The following PTPRD variants were observed in gnomAD, a reference collection of about 807,000 sequenced individuals.
The protein encoded by PTPRD is protein tyrosine phosphatase receptor type D, also known as receptor-type tyrosine-protein phosphatase delta.
PTPRD carries 34 observed loss-of-function variants against 214.5 expected under a neutral mutation model. The ratio of observed to expected loss-of-function variants is 0.16; its 90% CI spans 0.12 to 0.21. PTPRD has a LOEUF of 0.21. Ranked by LOEUF, PTPRD falls within the 10% of genes least tolerant of loss-of-function variation. PTPRD has a pLI of 1.00. For missense variants in PTPRD, 2,545 were observed against 2,398.7 expected, an observed-to-expected ratio of 1.06 and a Z score of -1.27; for synonymous variants, 1,128 against 845.7, an observed-to-expected ratio of 1.33 and a Z score of -5.79.
intron 11 of PTPRD, chr9:8,861,333 G>T (rs2098100597): frequency 1.3e-5 from 2 of 152,224 alleles, no homozygotes; most frequent in East Asian, 3.8e-4. Context: ...ATGACCTTAT[G>T]TGGGTTGCGA....
chr9:10,535,194 C>T (rs2057460731), intron 2 of PTPRD, among the ~76,000 whole-genome samples: 2 of 152,036 alleles, frequency 1.3e-5, no homozygotes, highest in African/African-American at 4.8e-5. Flanking sequence ...CAAATTCATC[C>T]ACTCTGTAGC....
chr9:8,461,542 A>T (rs563484056), intron 32 of PTPRD, among the ~76,000 whole-genome samples: 4 of 151,392 alleles, frequency 2.6e-5, no homozygotes, highest in African/African-American at 7.3e-5. Context: ...ATCCATATCC[A>T]CTAACTGCCC....
chr9:8,583,045 A>G (rs547677806), intron 14 of PTPRD, among the ~76,000 whole-genome samples: 1 of 152,330 alleles, frequency 6.6e-6, no homozygotes, highest in East Asian at 1.9e-4. Flanking sequence ...AATATTTAAG[A>G]CAGTGGTCCC....
intron 3 of PTPRD, among the ~76,000 whole-genome samples, chr9:10,081,716 G>T (rs556249367): frequency 6.6e-6 from 1 of 152,184 alleles, no homozygotes; most frequent in South Asian, 2.1e-4. Flanking sequence ...TAAGACAGGG[G>T]TGTTATTATA....
At chr9:9,327,982 G>A (rs1314571738) in intron 9 of PTPRD, among the ~76,000 whole-genome samples, 1 of 151,776 alleles carries the variant, frequency 6.6e-6, no homozygotes, top group African/African-American at 2.4e-5. Context: ...AGCATTCAAA[G>A]CCGTCCTGGG....
intron 2 of PTPRD, among the ~76,000 whole-genome samples, chr9:10,406,771 T>C (rs1381586797): frequency 1.3e-5 from 2 of 151,142 alleles, no homozygotes; most frequent in African/African-American, 4.8e-5. Context: ...CATGTCAGCA[T>C]GGGTGAGCAA....
chr9:10,601,203 T>C (rs1409682918), intron 2 of PTPRD, among the ~76,000 whole-genome samples: 1 of 151,174 alleles, frequency 6.6e-6, no homozygotes, highest in Non-Finnish European at 1.5e-5. Flanking sequence ...ACGAATAGAG[T>C]AAGTAAGGTA....
Position 10,504,718 on chromosome 9 carries a change from C to T in PTPRD, c.-600+107680G>A, listed in dbSNP as rs550555540. Among the ~76,000 whole-genome samples the T allele has an allele frequency of 3.3e-4, 51 of 152,282 alleles. No individual in the cohort carries two copies. In the Middle Eastern group the frequency reaches 0.014, roughly 41 times the overall value. ...AGATTCAGAAAAAATAAAATTACTT[C>T]TCCACAGGCATAAAGCTAATTACTA... On this transcript the variant is annotated intron_variant, in intron 2 of 45. Transcript: ENST00000381196.
chr9:8,405,953 C>T (rs2092933134), intron 35 of PTPRD, among the ~76,000 whole-genome samples: 2 of 151,354 alleles, frequency 1.3e-5, no homozygotes, highest in Non-Finnish European at 2.9e-5. Context: ...AAAGTCAAGT[C>T]TGTTAGTAGT....
intron 7 of PTPRD, among the ~76,000 whole-genome samples, chr9:9,677,242 C>T (rs10977922): frequency 0.45 from 68,017 of 151,596 alleles, 15,877 homozygotes; most frequent in African/African-American, 0.53. Context: ...GGTTGTCTTC[C>T]AGGGTTTTTA....
intron 9 of PTPRD, among the ~76,000 whole-genome samples, chr9:9,222,087 C>A (rs999144459): frequency 3.9e-5 from 6 of 152,002 alleles, no homozygotes; most frequent in African/African-American, 1.4e-4. Flanking sequence ...CCAAATGTAT[C>A]CACTGTAACA....
intron 10 of PTPRD, among the ~76,000 whole-genome samples, chr9:9,025,295 A>G (rs324489): frequency 6.6e-6 from 1 of 151,790 alleles, no homozygotes. Context: ...AGTCTGCAGT[A>G]CTATCTTTGT....
intron 11 of PTPRD, among the ~76,000 whole-genome samples, chr9:8,900,943 G>A (rs529904343): frequency 3.3e-5 from 5 of 152,230 alleles, no homozygotes; most frequent in African/African-American, 1.2e-4. Flanking sequence ...TTTTTCAAAA[G>A]TAATAAATGT....
At chr9:9,413,892 G>A (rs2076253138) in intron 8 of PTPRD, among the ~76,000 whole-genome samples, 1 of 152,166 alleles carries the variant, frequency 6.6e-6, no homozygotes, top group Non-Finnish European at 1.5e-5. Context: ...CCCTTTACAT[G>A]TAATACATAA....
chr9:8,948,939 A>C (rs2099087123), intron 11 of PTPRD, among the ~76,000 whole-genome samples: 1 of 151,966 alleles, frequency 6.6e-6, no homozygotes, highest in Non-Finnish European at 1.5e-5. Flanking sequence ...GTATAGTAAG[A>C]TTTGTTTCTA....
intron 2 of PTPRD, among the ~76,000 whole-genome samples, chr9:10,462,792 C>T (rs1329705984): frequency 1.3e-5 from 2 of 151,340 alleles, no homozygotes; most frequent in African/African-American, 2.4e-5. Flanking sequence ...AGTTACAGGA[C>T]ATATTTTCTT....
intron 9 of PTPRD, among the ~76,000 whole-genome samples, chr9:9,294,251 G>C (rs1190909105): frequency 6.6e-6 from 1 of 151,662 alleles, no homozygotes; most frequent in Non-Finnish European, 1.5e-5. Flanking sequence ...CAGTTTACCA[G>C]AGATAACTAA....
intron 2 of PTPRD, among the ~76,000 whole-genome samples, chr9:10,594,971 C>T (rs1027188236): frequency 4.0e-5 from 6 of 151,732 alleles, no homozygotes; most frequent in Admixed American, 1.3e-4. Flanking sequence ...GGGGCAACTT[C>T]GGAGACATTT....
At chr9:9,130,616 C>T (rs569594439) in intron 10 of PTPRD, among the ~76,000 whole-genome samples, 1 of 152,156 alleles carries the variant, frequency 6.6e-6, no homozygotes, top group East Asian at 1.9e-4. Context: ...CTTATTGAGA[C>T]TTACCTCAAA....
Sources: gnomAD v4.1 joint callset for allele counts (sites outside exome capture counted in the v4.1 genomes callset) on GRCh38, gnomAD v4.1.1 for gene constraint, MANE v1.5 for transcripts, NCBI Gene and HGNC (gene_info 2026-07-23, HGNC 2026-07-21) for gene names.